Variants in TRHDE observed in about 807,000 individuals in gnomAD.
The protein encoded by TRHDE is thyrotropin releasing hormone degrading enzyme.
A neutral mutation model predicts 125.7 loss-of-function variants in TRHDE; 72 were observed. The observed-to-expected ratio is 0.57, with a 90% CI of 0.47 to 0.70. The LOEUF is 0.70. TRHDE is among the 30% of genes least tolerant of loss of function. The pLI, the probability that TRHDE is intolerant of heterozygous loss-of-function variation, is 0.00. For missense variants in TRHDE, 1,110 were observed against 1,327.1 expected (o/e 0.84, Z 2.54); for synonymous variants, 509 against 509.1 (o/e 1.00, Z 0.00).
chr12:72,584,756 T>C (rs2136040741), intron 12 of TRHDE, among the ~76,000 whole-genome samples: 1 of 152,308 alleles, frequency 6.6e-6, no homozygotes, highest in Non-Finnish European at 1.5e-5. Flanking sequence ...TAAATAGTGT[T>C]CCATTTTGTG....
chr12:72,256,748 G>A (rs145110473), intron 2 of TRHDE: 19 of 152,278 alleles, frequency 1.2e-4, no homozygotes, highest in African/African-American at 4.3e-4. Context: ...CTGTAAATTG[G>A]TACAGCCCCT....
chr12:72,552,662 G>A (rs532963919), intron 7 of TRHDE, among the ~76,000 whole-genome samples: 1 of 152,140 alleles, frequency 6.6e-6, no homozygotes, highest in Non-Finnish European at 1.5e-5. Flanking sequence ...ACTGTAAACT[G>A]TTCCTTTTGG....
chr12:72,587,413 T>TA (rs1871485297), intron 12 of TRHDE, among the ~76,000 whole-genome samples: 1 of 152,118 alleles, frequency 6.6e-6, no homozygotes, highest in South Asian at 2.1e-4. Flanking sequence ...GCGTAGACAT[T>TA]AATGAATTTG....
At chr12:72,311,687 C>A (rs1312231976) in intron 2 of TRHDE, among the ~76,000 whole-genome samples, 1 of 152,092 alleles carries the variant, frequency 6.6e-6, no homozygotes, top group African/African-American at 2.4e-5. Flanking sequence ...CTGTTTTGTC[C>A]ATTATATTGG....
chr12:72,510,353 T>G (rs1194479987), intron 6 of TRHDE, among the ~76,000 whole-genome samples: 4 of 152,228 alleles, frequency 2.6e-5, no homozygotes, highest in African/African-American at 7.2e-5. Flanking sequence ...GTAAAATGGT[T>G]GGACAATAGG....
chr12:72,611,917 C>A (rs887699698), intron 12 of TRHDE, among the ~76,000 whole-genome samples: 4 of 152,220 alleles, frequency 2.6e-5, no homozygotes, highest in Non-Finnish European at 5.9e-5. Flanking sequence ...ATACTGACAT[C>A]TTTTCTTCAC....
Position 72,653,006 on chromosome 12 carries a change from A to G in TRHDE, c.2844-10A>G, listed in dbSNP as rs200044157. The G allele has an allele frequency of 1.3e-4, 209 of 1,587,878 alleles. No individual in the cohort carries two copies. The highest frequency in any genetic ancestry group is 1.7e-4 in the Non-Finnish European group (201 of 1,170,284). On this transcript the variant is annotated splice_polypyrimidine_tract_variant and intron_variant, in intron 16 of 18. Coordinates refer to ENST00000261180, the MANE Select transcript of TRHDE (RefSeq NM_013381.3). ...GGACTAAAAATTTTTACAAAATTCT[A>G]TCTTTGAAGGCTTCTAAATCTGTCA...
At position 72,204,553 on chromosome 12, in the gene TRHDE, C is replaced by A. The variant is rs1454652844; in HGVS notation, n.279+98801C>A. On this transcript the variant is annotated intron_variant and non_coding_transcript_variant, in intron 2 of 4. Coordinates refer to the TRHDE transcript ENST00000548156. ...TCTTTCCTGAGGTCAAAACTCCTAA[C>A]TTAATTGATTAATTATTTCCAGCTG... Among the ~76,000 whole-genome samples the A allele has an allele frequency of 3.3e-5, 5 of 152,256 alleles. No individual in the cohort carries two copies. The South Asian group carries it at 1.0e-3, about 32-fold the overall frequency.
At chr12:72,375,098 C>G (rs1871813065) in intron 2 of TRHDE, among the ~76,000 whole-genome samples, 1 of 152,220 alleles carries the variant, frequency 6.6e-6, no homozygotes, top group Admixed American at 6.5e-5. Context: ...ATGTGAAGAG[C>G]TTAGCCTTGG....
intron 2 of TRHDE, among the ~76,000 whole-genome samples, chr12:72,315,358 G>A (rs1218154889): frequency 1.3e-5 from 2 of 149,856 alleles, no homozygotes; most frequent in Non-Finnish European, 3.0e-5. Flanking sequence ...TCCTCAAGGT[G>A]GCAATATTTT....
At chr12:72,372,148 C>A (rs570879780) in intron 2 of TRHDE, among the ~76,000 whole-genome samples, 41 of 152,178 alleles carry the variant, frequency 2.7e-4, no homozygotes, top group African/African-American at 8.4e-4. Context: ...GCCAGTGATG[C>A]TGAGCATTTT....
At chr12:72,476,226 A>G (rs1876885664) in intron 5 of TRHDE, among the ~76,000 whole-genome samples, 1 of 152,186 alleles carries the variant, frequency 6.6e-6, no homozygotes, top group Non-Finnish European at 1.5e-5. Flanking sequence ...CAGGTTATAT[A>G]GATTTAAAAA....
chr12:72,432,022 AG>A, intron 3 of TRHDE: 1 of 161,714 alleles, frequency 6.2e-6, no homozygotes, highest in Non-Finnish European at 1.4e-5. Flanking sequence ...GTTGCTTCCT[AG>A]GTTCTTTACC....
intron 2 of TRHDE, among the ~76,000 whole-genome samples, chr12:72,127,607 A>G (rs562075744): frequency 5.3e-5 from 8 of 152,232 alleles, no homozygotes; most frequent in African/African-American, 1.4e-4. Context: ...GCATGTTCTC[A>G]CTTACAAGTT....
At chr12:72,396,120 A>G (rs1427723645) in intron 3 of TRHDE, among the ~76,000 whole-genome samples, 2 of 151,900 alleles carry the variant, frequency 1.3e-5, no homozygotes, top group Non-Finnish European at 2.9e-5. Context: ...AAAATTATCC[A>G]CTCTTTCTCA....
rs146915515 is a variant in TRHDE, at chr12:72,091,589, C to A, written n.174+4150C>A. Reference sequence around the variant, plus strand: ...CCCTTTTACAAGGGTGTGCACGTGACCCAGGTTGCATCAAGAAGAATATTG... The same window carrying A: ...CCCTTTTACAAGGGTGTGCACGTGAACCAGGTTGCATCAAGAAGAATATTG... On this transcript the variant is annotated intron_variant and non_coding_transcript_variant, in intron 1 of 4. Transcript: ENST00000548156. Among the ~76,000 whole-genome samples the A allele has an allele frequency of 1.5e-3, 224 of 152,244 alleles. 1 individual carries two copies. Among genetic ancestry groups the A allele is most frequent in the African/African-American group, 5.1e-3 (212 of 41,554 alleles).
Position 72,597,830 on chromosome 12 carries a change from T to C in TRHDE, c.2322-21061T>C, listed in dbSNP as rs965625312. Among the ~76,000 whole-genome samples the C allele has an allele frequency of 2.7e-5, 4 of 148,062 alleles. No individual in the cohort carries two copies. In the East Asian group the frequency reaches 7.9e-4, roughly 29 times the overall value. On this transcript the variant is annotated intron_variant, in intron 12 of 18. Coordinates refer to ENST00000261180, the MANE Select transcript of TRHDE (RefSeq NM_013381.3). Reference sequence around the variant, plus strand: ...AGAAACTATGAGACTTTTTTATAATTTTTAAAATAGAAAGTATATGTGAAG... The same window carrying C: ...AGAAACTATGAGACTTTTTTATAATCTTTAAAATAGAAAGTATATGTGAAG...
chr12:72,196,001 T>C (rs1255026685), intron 2 of TRHDE, among the ~76,000 whole-genome samples: 1 of 152,116 alleles, frequency 6.6e-6, no homozygotes, highest in East Asian at 1.9e-4. Context: ...CCCATTGCTA[T>C]TTTTGTCGAC....
intron 2 of TRHDE, among the ~76,000 whole-genome samples, chr12:72,265,177 A>T (rs1307677421): frequency 1.3e-5 from 2 of 151,902 alleles, no homozygotes; most frequent in Non-Finnish European, 2.9e-5. Flanking sequence ...GCATACTAAC[A>T]TATTTAGATT....
Sources: gnomAD v4.1 joint callset for allele counts (sites outside exome capture counted in the v4.1 genomes callset) on GRCh38, gnomAD v4.1.1 for gene constraint, MANE v1.5 for transcripts, NCBI Gene and HGNC (gene_info 2026-07-23, HGNC 2026-07-21) for gene names.